The following RSPO3 variants were observed in gnomAD, a reference collection of about 807,000 sequenced individuals.
RSPO3 encodes the protein R-spondin 3.
In RSPO3, 17 loss-of-function variants were observed where a neutral mutation model predicts 36.5. That is an observed-to-expected ratio of 0.47 (90% CI 0.32 to 0.70). RSPO3 has a LOEUF of 0.70. Among genes scored for constraint, RSPO3 ranks in the 30% least tolerant of loss-of-function variants. The pLI is 0.04. For missense variants in RSPO3, 294 were observed against 322.5 expected, an observed-to-expected ratio of 0.91 and a Z score of 0.68; for synonymous variants, 108 against 107.0, an observed-to-expected ratio of 1.01 and a Z score of -0.06.
chr6:127,188,294 G>A (rs927218152), intron 4 of RSPO3, among the ~76,000 whole-genome samples: 4 of 152,182 alleles, frequency 2.6e-5, no homozygotes, highest in Non-Finnish European at 5.9e-5. Flanking sequence ...AGGCAAAAGA[G>A]AGTTTATTAT....
intron 1 of RSPO3, among the ~76,000 whole-genome samples, chr6:127,125,437 G>C (rs1227572658): frequency 6.6e-6 from 1 of 152,150 alleles, no homozygotes; most frequent in Non-Finnish European, 1.5e-5. Context: ...AATAACCCAA[G>C]AAAGTCCTTT....
intron 1 of RSPO3, among the ~76,000 whole-genome samples, chr6:127,136,518 C>T (rs1350088412): frequency 6.6e-6 from 1 of 152,176 alleles, no homozygotes; most frequent in Admixed American, 6.5e-5. Flanking sequence ...TCAGCAATAA[C>T]TTATATTAAT....
chr6:127,135,416 T>TAAAAAAA (rs35739572), intron 1 of RSPO3, among the ~76,000 whole-genome samples: 1 of 95,244 alleles, frequency 1.0e-5, no homozygotes, highest in African/African-American at 3.9e-5. Flanking sequence ...TGAGAATCCA[T>TAAAAAAA]AAAAAAAAAA....
chr6:127,182,167 C>G (rs1775202306), intron 4 of RSPO3, among the ~76,000 whole-genome samples: 1 of 151,804 alleles, frequency 6.6e-6, no homozygotes, highest in Non-Finnish European at 1.5e-5. Context: ...AGAGTGAGAA[C>G]TCACTCATTA....
chr6:127,150,505 A>C lies in RSPO3; in HGVS notation c.369A>C (p.Gly123=), dbSNP rs746790347. 2 of 1,612,654 alleles carry C rather than the reference A, an allele frequency of 1.2e-6. No individual in the cohort carries two copies. The highest frequency in any genetic ancestry group is 1.1e-5 in the South Asian group (1 of 90,994). The change falls in exon 3 of 5, where the codon GGA becomes GGC. Residue 123 remains glycine (G), a synonymous_variant. Transcript: ENST00000356698. ...KCKSGFYLHL[G]KCLDNCPEGL... ...AAAGTGGATTTTACTTACACCTTGG[A>C]AAGTGCCTTGACAATTGCCCAGAAG...
rs768162516 is a variant in RSPO3 at position 127,150,166 on chromosome 6, G to GATATATATAT, written c.290-248_290-239dup. ...ACTTCATCTTATAAATATTCTTGGA[G>GATATATATAT]ATATATATATATATATATATACACA... On this transcript the variant is annotated intron_variant, in intron 2 of 4. Coordinates refer to ENST00000356698, the MANE Select transcript of RSPO3 (RefSeq NM_032784.5). Among the ~76,000 whole-genome samples the GATATATATAT allele has an allele frequency of 2.1e-3, 296 of 139,508 alleles. 1 individual carries two copies. Among genetic ancestry groups the GATATATATAT allele is most frequent in the African/African-American group, 7.4e-3 (286 of 38,746 alleles). The allele number at this position is 139,508 out of a possible 152,430, so 91.5% of individuals were successfully genotyped here.
intron 3 of RSPO3, among the ~76,000 whole-genome samples, chr6:127,152,391 G>C (rs1255952406): frequency 1.3e-5 from 2 of 152,042 alleles, no homozygotes; most frequent in Non-Finnish European, 2.9e-5. Flanking sequence ...CATGCCTTTA[G>C]GCCAGTCCAG....
intron 1 of RSPO3, among the ~76,000 whole-genome samples, chr6:127,134,367 A>G (rs1352507222): frequency 1.3e-5 from 2 of 152,318 alleles, no homozygotes; most frequent in East Asian, 1.9e-4. Flanking sequence ...ACTAATTTCT[A>G]TAGCTGAACT....
intron 4 of RSPO3, among the ~76,000 whole-genome samples, chr6:127,187,186 A>G (rs1562254807): frequency 6.6e-6 from 1 of 152,158 alleles, no homozygotes; most frequent in Non-Finnish European, 1.5e-5. Flanking sequence ...TTTTTGAGAT[A>G]GTCACTAATA....
chr6:127,195,781 A>G lies in RSPO3; in HGVS notation c.635-42A>G, dbSNP rs573642940. On this transcript the variant is annotated intron_variant, in intron 4 of 4. Coordinates refer to ENST00000356698, the MANE Select transcript of RSPO3 (RefSeq NM_032784.5). ...TTAAAATGTAATTAAAAAATAGAAC[A>G]TAATTGAATGTAATTTTTAAAAGAG... The G allele has an allele frequency of 4.5e-6, 6 of 1,321,750 alleles. No individual in the cohort carries two copies. In the East Asian group the frequency reaches 1.0e-4, roughly 23 times the overall value. The allele number at this position is 1,321,750 out of a possible 1,614,324, so 81.9% of individuals were successfully genotyped here.
intron 1 of RSPO3, among the ~76,000 whole-genome samples, chr6:127,147,820 G>A (rs547973173): frequency 6.6e-6 from 1 of 152,016 alleles, no homozygotes; most frequent in African/African-American, 2.4e-5. Flanking sequence ...CATTTCACTC[G>A]AGTAAGTAGA....
intron 1 of RSPO3, among the ~76,000 whole-genome samples, chr6:127,141,963 T>C (rs1237713562): frequency 2.0e-5 from 3 of 152,142 alleles, no homozygotes; most frequent in Non-Finnish European, 4.4e-5. Flanking sequence ...TTAAATAGCA[T>C]AGGTGAATTT....
chr6:127,189,982 CAAACA>C (rs1408041994), intron 4 of RSPO3, among the ~76,000 whole-genome samples: 3 of 152,144 alleles, frequency 2.0e-5, no homozygotes, highest in African/African-American at 7.2e-5. Context: ...TTTATTAAAA[CAAACA>C]AAAGACATTT....
chr6:127,150,360 T>A (rs1403917876), intron 2 of RSPO3, 66 bp from the exon 3 acceptor site: 1 of 1,477,916 alleles, frequency 6.8e-7, no homozygotes. Context: ...GTCTGACACA[T>A]GTAGAACTGG....
chr6:127,190,501 A>G (rs1406628525), intron 4 of RSPO3, among the ~76,000 whole-genome samples: 1 of 152,218 alleles, frequency 6.6e-6, no homozygotes, highest in Non-Finnish European at 1.5e-5. Context: ...AATCAGGTCC[A>G]ATTCCAGATT....
intron 4 of RSPO3, among the ~76,000 whole-genome samples, chr6:127,180,839 T>C (rs575448698): frequency 1.3e-5 from 2 of 151,962 alleles, no homozygotes; most frequent in South Asian, 4.1e-4. Context: ...CATTTTCAAC[T>C]ACTTATATAT....
intron 1 of RSPO3, among the ~76,000 whole-genome samples, chr6:127,140,499 T>C (rs1774247883): frequency 6.6e-6 from 1 of 152,206 alleles, no homozygotes; most frequent in African/African-American, 2.4e-5. Flanking sequence ...GGAATCTGGA[T>C]GTAAATCCCC....
At chr6:127,180,582 A>G (rs1775164807) in intron 4 of RSPO3, among the ~76,000 whole-genome samples, 1 of 148,406 alleles carries the variant, frequency 6.7e-6, no homozygotes, top group South Asian at 2.1e-4. Flanking sequence ...CTGAATGAGG[A>G]TAAAGAAGGA....
rs185687452 is a variant in RSPO3 at position 127,192,782 on chromosome 6, A to G, written c.635-3041A>G. 30 of 669,854 alleles carry G rather than the reference A, an allele frequency of 4.5e-5. No homozygotes were observed. In the East Asian group the frequency reaches 3.7e-3, roughly 82 times the overall value. 41.5% of individuals were successfully genotyped at this position (669,854 alleles called of 1,614,324 possible). A position where few individuals can be genotyped will look rare whatever the true frequency, so the allele number is the denominator to read the frequency against. ...GCAAAGCACACGTGTGTGTGTATAT[A>G]TATATGTGTGTGTATATATGTCAGA... is the stretch of plus-strand genomic sequence containing the variant. On this transcript the variant is annotated intron_variant, in intron 4 of 4. Transcript: ENST00000356698.
Sources: gnomAD v4.1 joint callset for allele counts (sites outside exome capture counted in the v4.1 genomes callset) on GRCh38, gnomAD v4.1.1 for gene constraint, MANE v1.5 for transcripts, NCBI Gene and HGNC (gene_info 2026-07-23, HGNC 2026-07-21) for gene names.